Variants in EMX1 observed in about 807,000 individuals in gnomAD.
The protein encoded by EMX1 is homeobox protein EMX1.
Under a neutral mutation model 20.1 loss-of-function variants are expected in EMX1, and 10 were observed. The ratio of observed to expected loss-of-function variants is 0.50; its 90% confidence interval spans 0.31 to 0.84. EMX1 has a LOEUF of 0.84. EMX1 is among the 40% of genes least tolerant of loss of function. The pLI is 0.05. For synonymous variants in EMX1, 250 were observed against 200.4 expected, an observed-to-expected ratio of 1.25 and a Z score of -2.09; for missense variants, 424 against 431.9, an observed-to-expected ratio of 0.98 and a Z score of 0.16.
intron 2 of EMX1, among the ~76,000 whole-genome samples, chr2:72,927,044 C>G (rs774420211): frequency 1.3e-5 from 2 of 152,172 alleles, no homozygotes; most frequent in African/African-American, 2.4e-5. Context: ...GCTCTCTAAT[C>G]TGTCCCACCC....
rs1671003506 is a variant in EMX1 at position 72,918,038 on chromosome 2, G to C, written c.186G>C (p.Gly62=). 9 of 1,419,108 alleles carry C rather than the reference G, an allele frequency of 6.3e-6. No homozygotes were observed. The highest frequency in any genetic ancestry group is 8.2e-6 in the Non-Finnish European group (9 of 1,096,044). The allele number at this position is 1,419,108 out of a possible 1,614,324, so 87.9% of individuals were successfully genotyped here. A position where few individuals can be genotyped will look rare whatever the true frequency, so the allele number is the denominator to read the frequency against. ...DGGTGGGTGG[G]GAGSHLLAAA... is the part of the protein sequence containing the mutation. ...GCACCGGCGGGGGCACTGGCGGCGG[G>C]GGCGCGGGCTCCCATCTCCTGGCGG... is the stretch of plus-strand genomic sequence containing the variant. Residue 62 remains glycine (G), a synonymous_variant, in exon 1 of 3, where the codon GGG becomes GGC. Transcript: ENST00000258106.
At chr2:72,923,495 G>A (rs1329744379) in intron 1 of EMX1, 2 of 152,208 alleles carry the variant, frequency 1.3e-5, no homozygotes, top group African/African-American at 4.8e-5. Flanking sequence ...ATAGGGGGTT[G>A]GGGGCTTACC....
At chr2:72,924,058 G>A in intron 1 of EMX1, 1 of 597,236 alleles carries the variant, frequency 1.7e-6, no homozygotes, top group South Asian at 1.9e-5. Context: ...GGGATCTGGA[G>A]AGCTGTTATT....
chr2:72,922,239 G>A (rs910841524), intron 1 of EMX1, among the ~76,000 whole-genome samples: 2 of 152,130 alleles, frequency 1.3e-5, no homozygotes, highest in Non-Finnish European at 2.9e-5. Context: ...GTTGTTTTTT[G>A]AAGCAAGTTA....
upstream of EMX1, chr2:72,917,200 G>C (rs1484023757): frequency 5.0e-6 from 3 of 604,054 alleles, no homozygotes; most frequent in Non-Finnish European, 6.0e-6. Context: ...GGGACGAATG[G>C]GAGAGTTAGG....
At position 72,933,898 on chromosome 2, in the gene EMX1, C is replaced by T. The variant is rs1671324028; in HGVS notation, c.817C>T (p.Arg273Cys). ...KKGSHHINRW[R>C]IATKQANGED... is the part of the protein sequence containing the mutation. ...GGGCTCCCATCACATCAACCGGTGG[C>T]GCATTGCCACGAAGCAGGCCAATGG... Residue 273 changes from arginine (R) to cysteine (C), a missense_variant, in exon 3 of 3, where the codon CGC (arginine) becomes TGC (cysteine). Physicochemically the swap from Arg to Cys is radical, Grantham distance 180. This residue lies in a region of EMX1 where 91 missense variants were observed against 135.2 expected (regional missense o/e 0.67). Coordinates refer to ENST00000258106, the MANE Select transcript of EMX1 (RefSeq NM_004097.3). 7.4e-6 allele frequency: 12 copies of T among 1,614,136 alleles called. No homozygotes were observed. The highest frequency in any genetic ancestry group is 1.7e-5 in the Admixed American group (1 of 60,012).
chr2:72,918,511 G>C (rs903149989), intron 1 of EMX1, 139 bp downstream of exon 1: 3 of 1,208,930 alleles, frequency 2.5e-6, no homozygotes, highest in African/African-American at 3.2e-5. Context: ...AGATTCCCAG[G>C]CAGGGAAGAG....
intron 1 of EMX1, among the ~76,000 whole-genome samples, chr2:72,918,592 C>G (rs1671041641): frequency 6.6e-6 from 1 of 152,274 alleles, no homozygotes; most frequent in African/African-American, 2.4e-5. Flanking sequence ...GACCTCCAGG[C>G]TTTTCTAGAA....
chr2:72,928,990 G>A (rs1480985539), intron 2 of EMX1, among the ~76,000 whole-genome samples: 1 of 152,154 alleles, frequency 6.6e-6, no homozygotes, highest in Non-Finnish European at 1.5e-5. Context: ...AGGAGTTACG[G>A]TCACCTGCCT....
chr2:72,924,269 T>C lies in EMX1; in HGVS notation c.521-40T>C, dbSNP rs918637399. 7.7e-5 allele frequency: 119 copies of C among 1,547,540 alleles called. 1 individual carries two copies. Among genetic ancestry groups the C allele is most frequent in the Non-Finnish European group, 9.6e-5 (111 of 1,152,746 alleles). ...CGGCTCACGGCGCCCCTTCTCTCTG[T>C]CTGTACCTGCGTGTGTTGCCGTCGG... is the stretch of plus-strand genomic sequence containing the variant. On this transcript the variant is annotated intron_variant, in intron 1 of 2. Transcript: ENST00000258106.
chr2:72,918,730 C>T (rs1392792978), intron 1 of EMX1, among the ~76,000 whole-genome samples: 1 of 152,276 alleles, frequency 6.6e-6, no homozygotes, highest in Non-Finnish European at 1.5e-5. Flanking sequence ...CCCGCTCTCC[C>T]TCCGCCCGGC....
chr2:72,918,491 C>T (rs1174383791), intron 1 of EMX1, 119 bp downstream of exon 1: 2 of 1,269,244 alleles, frequency 1.6e-6, no homozygotes, highest in Admixed American at 4.2e-5. Flanking sequence ...GGCTGCAGGT[C>T]CGCGGAGGTA....
rs1477103847 is a variant in EMX1, at chr2:72,924,544, TGAGGGTGCGCGGGTGCAGGA to T, written c.705+56_705+75del. The T allele has an allele frequency of 2.0e-6, 3 of 1,494,772 alleles. No homozygotes were observed. In the African/African-American group the frequency reaches 4.1e-5, roughly 21 times the overall value. 92.6% of individuals were successfully genotyped at this position (1,494,772 alleles called of 1,614,324 possible). A position where few individuals can be genotyped will look rare whatever the true frequency, so the allele number is the denominator to read the frequency against. ...CCTGCGCCCGGAGCCCGGGTGGAGG[TGAGGGTGCGCGGGTGCAGGA>T]GAGGCCCTGAGCCCGCCCCAGCCCA... On this transcript the variant is annotated intron_variant, in intron 2 of 2. Transcript: ENST00000258106.
chr2:72,924,775 C>G (rs1671166204), intron 2 of EMX1, among the ~76,000 whole-genome samples: 1 of 152,200 alleles, frequency 6.6e-6, no homozygotes, highest in South Asian at 2.1e-4. Context: ...AAGCTCCTCA[C>G]GGGGGGACCA....
chr2:72,920,170 G>A (rs1671075174), intron 1 of EMX1, among the ~76,000 whole-genome samples: 1 of 152,174 alleles, frequency 6.6e-6, no homozygotes, highest in Admixed American at 6.5e-5. Context: ...TCCTGCCTCC[G>A]GGCGCCGAGG....
chr2:72,921,119 C>T (rs1671096405), intron 1 of EMX1, among the ~76,000 whole-genome samples: 1 of 152,190 alleles, frequency 6.6e-6, no homozygotes, highest in African/African-American at 2.4e-5. Flanking sequence ...CAGCTCGGAC[C>T]CCGGGTGCTT....
intron 1 of EMX1, 130 bp from the exon 2 acceptor site, chr2:72,924,179 G>C (rs1207951904): frequency 1.8e-6 from 2 of 1,124,394 alleles, no homozygotes; most frequent in African/African-American, 1.5e-5. Flanking sequence ...GTGTGTGTGC[G>C]TGTCAAGGAA....
At chr2:72,925,609 C>T in intron 2 of EMX1, 2 of 1,262,062 alleles carry the variant, frequency 1.6e-6, no homozygotes, top group Non-Finnish European at 2.1e-6. Context: ...TCCTCCTAGT[C>T]TCGACCCTAC....
chr2:72,917,304 G>C (rs1398350673), upstream of EMX1, among the ~76,000 whole-genome samples: 1 of 146,280 alleles, frequency 6.8e-6, no homozygotes, highest in Non-Finnish European at 1.5e-5. Flanking sequence ...ACGGCGGCAC[G>C]GCCACCAGAC....
Sources: allele counts gnomAD v4.1 joint callset (sites outside exome capture counted in the v4.1 genomes callset), GRCh38; gene constraint gnomAD v4.1.1; regional missense constraint gnomAD v4.1.1; transcripts MANE v1.5; gene names NCBI Gene and HGNC (gene_info 2026-07-23, HGNC 2026-07-21).